DOCK11: variants seen among roughly 807,000 people sequenced by gnomAD.
DOCK11 encodes the protein dedicator of cytokinesis 11.
Under a neutral mutation model 169.1 loss-of-function variants are expected in DOCK11, and 70 were observed. The observed-to-expected ratio is 0.41, with a 90% CI of 0.34 to 0.51. The LOEUF (loss-of-function observed/expected upper bound fraction) is 0.51. Ranked by LOEUF, DOCK11 falls within the 20% of genes least tolerant of loss-of-function variation. The pLI, the probability that DOCK11 is intolerant of heterozygous loss-of-function variation, is 0.10. For synonymous variants in DOCK11, 529 were observed against 541.3 expected (o/e 0.98, Z 0.32); for missense variants, 1,166 against 1,538.8 (o/e 0.76, Z 4.05).
Position 118,495,864 on chromosome X carries a change from A to C in DOCK11, c.-108A>C. On this transcript the variant is annotated 5_prime_UTR_variant, in exon 1 of 53. Transcript: ENST00000276202. ...CTGCGATGTGGCCGGCCGGCCGGCG[A>C]GTAAACAGAGGGAGCAGCAGCGGCC... 5 of 320,025 alleles carry C rather than the reference A, an allele frequency of 1.6e-5. No homozygotes were observed. Among genetic ancestry groups the C allele is most frequent in the East Asian group, 1.1e-4 (1 of 9,134 alleles). 26.4% of individuals were successfully genotyped at this position (320,025 alleles called of 1,213,427 possible). A position where few individuals can be genotyped will look rare whatever the true frequency, so the allele number is the denominator to read the frequency against.
chrX:118,598,006 A>G, intron 21 of DOCK11, 24 bp from the exon 22 acceptor site: 6 of 1,114,129 alleles, frequency 5.4e-6, no homozygotes, highest in Non-Finnish European at 7.3e-6. Flanking sequence ...ATTATGTTAT[A>G]GAATCTCAAT....
chrX:118,671,261 T>TAA, intron 46 of DOCK11, 116 bp downstream of exon 46: 3 of 627,283 alleles, frequency 4.8e-6, no homozygotes, highest in Non-Finnish European at 6.9e-6. Context: ...GAATATAAGG[T>TAA]TCATTACATT....
chrX:118,581,189 G>A (rs745866279), intron 14 of DOCK11, among the ~76,000 whole-genome samples: 1 of 112,173 alleles, frequency 8.9e-6, no homozygotes, highest in South Asian at 3.7e-4. Flanking sequence ...ATTATGTTCA[G>A]TGGGTGCTAG....
intron 1 of DOCK11, among the ~76,000 whole-genome samples, chrX:118,522,888 A>T (rs192787388): frequency 6.1e-4 from 68 of 111,819 alleles, no homozygotes; most frequent in African/African-American, 2.2e-3. Flanking sequence ...GGGTGAGTAG[A>T]CCAGGAGGCA....
At chrX:118,531,412 C>CAAAAAAAAAAAAAAAAAAAA (rs60932296) in intron 1 of DOCK11, among the ~76,000 whole-genome samples, 1 of 29,205 alleles carries the variant, frequency 3.4e-5, no homozygotes, top group African/African-American at 1.2e-4. Flanking sequence ...GCCATATACT[C>CAAAAAAAAAAAAAAAAAAAA]AAAAAAAAAA....
intron 6 of DOCK11, among the ~76,000 whole-genome samples, 157 bp from the exon 7 acceptor site, chrX:118,561,226 A>C (rs1178427188): frequency 8.9e-6 from 1 of 111,981 alleles, no homozygotes; most frequent in Non-Finnish European, 1.9e-5. Context: ...TCTTAGAAAA[A>C]TGAAGATAAT....
intron 1 of DOCK11, among the ~76,000 whole-genome samples, chrX:118,540,045 C>G (rs1156533623): frequency 7.1e-5 from 2 of 28,173 alleles, no homozygotes; most frequent in Admixed American, 6.3e-4. Context: ...GAGCAAAACT[C>G]CATCTCAAAA....
In DOCK11 at chrX:118,685,938, A is replaced by C; in HGVS notation, c.*131A>C. On this transcript the variant is annotated 3_prime_UTR_variant, in exon 53 of 53. Transcript: ENST00000276202. ...CGACACCAAAATTTTCATGTGTTCCAACAGGGTGCTTACATATTTGTAAAT... is the reference window on the plus strand; with the variant it reads ...CGACACCAAAATTTTCATGTGTTCCCACAGGGTGCTTACATATTTGTAAAT... 1.2e-6 allele frequency: 1 copy of C among 864,889 alleles called. No individual in the cohort carries two copies. 71.3% of individuals were successfully genotyped at this position (864,889 alleles called of 1,213,427 possible).
At chrX:118,601,180 T>C (rs1317606332) in intron 23 of DOCK11, among the ~76,000 whole-genome samples, 1 of 111,219 alleles carries the variant, frequency 9.0e-6, no homozygotes, top group African/African-American at 3.3e-5. Flanking sequence ...TCCCAGCACC[T>C]TGGGAGGCCC....
At chrX:118,658,678 C>T (rs1482317818) in intron 44 of DOCK11, among the ~76,000 whole-genome samples, 4 of 112,423 alleles carry the variant, frequency 3.6e-5, no homozygotes, top group East Asian at 5.6e-4. Flanking sequence ...ATTGAAGGCA[C>T]CTCAAAGTGA....
At chrX:118,682,262 C>T (rs144082940) in intron 51 of DOCK11, among the ~76,000 whole-genome samples, 508 of 110,280 alleles carry the variant, frequency 4.6e-3, no homozygotes, top group African/African-American at 0.016. Flanking sequence ...GCTCTGTAAG[C>T]TTAGGCATGT....
At chrX:118,682,564 A>G (rs1329828378) in intron 51 of DOCK11, among the ~76,000 whole-genome samples, 2 of 111,590 alleles carry the variant, frequency 1.8e-5, no homozygotes, top group African/African-American at 6.5e-5. Context: ...GTCCCCTAAG[A>G]CCTACACTCT....
intron 38 of DOCK11, 142 bp from the exon 39 acceptor site, chrX:118,641,048 C>G: frequency 4.2e-6 from 2 of 478,057 alleles, no homozygotes; most frequent in Admixed American, 7.1e-5. Flanking sequence ...CTCAGCCTCC[C>G]AAAGTGCTGG....
chrX:118,595,140 C>A (rs780437732), intron 20 of DOCK11, among the ~76,000 whole-genome samples: 53 of 110,564 alleles, frequency 4.8e-4, no homozygotes, highest in Non-Finnish European at 8.3e-4. Context: ...GTATAATGGG[C>A]AAGGCAAGTA....
At chrX:118,632,786 AT>A (rs2147499062) in intron 35 of DOCK11, 1 of 109,968 alleles carries the variant, frequency 9.1e-6, no homozygotes, top group African/African-American at 3.3e-5. Flanking sequence ...AAAATTTGCT[AT>A]TTCAAAGTCT....
chrX:118,605,127 C>G, intron 23 of DOCK11, 111 bp from the exon 24 acceptor site: 1 of 477,574 alleles, frequency 2.1e-6, no homozygotes. Flanking sequence ...TTTAATTGAG[C>G]TTATATGCTA....
At chrX:118,678,528 A>G (rs1483657821) in intron 48 of DOCK11, among the ~76,000 whole-genome samples, 1 of 96,966 alleles carries the variant, frequency 1.0e-5, no homozygotes, top group Non-Finnish European at 2.1e-5. Flanking sequence ...GCTGGAGTGC[A>G]TTGGTGCCAT....
intron 45 of DOCK11, among the ~76,000 whole-genome samples, chrX:118,668,400 G>GTTTT (rs1213919505): frequency 3.8e-5 from 4 of 105,477 alleles, no homozygotes; most frequent in African/African-American, 1.4e-4. Flanking sequence ...ATATTACATT[G>GTTTT]TTTTTTTTTT....
chrX:118,503,858 G>A (rs772826449), intron 1 of DOCK11, among the ~76,000 whole-genome samples: 1 of 111,136 alleles, frequency 9.0e-6, no homozygotes, highest in Non-Finnish European at 1.9e-5. Context: ...GTGGGGAAAC[G>A]ATCTGGAGGC....
Sources: gnomAD v4.1 joint callset for allele counts (sites outside exome capture counted in the v4.1 genomes callset) on GRCh38, gnomAD v4.1.1 for gene constraint, MANE v1.5 for transcripts, NCBI Gene and HGNC (gene_info 2026-07-23, HGNC 2026-07-21) for gene names.